Variants in MAP2K5 observed in about 807,000 individuals in gnomAD.
MAP2K5 encodes dual specificity mitogen-activated protein kinase kinase 5.
MAP2K5 carries 49 observed loss-of-function variants against 83.1 expected under a neutral mutation model. The observed-to-expected ratio is 0.59, with a 90% CI of 0.47 to 0.75. MAP2K5 has a LOEUF of 0.75. Among genes scored for constraint, MAP2K5 ranks in the 30% least tolerant of loss-of-function variants. The probability of loss-of-function intolerance (pLI) is 0.00; values close to 1 mark genes in which losing one functional copy is unlikely to be tolerated. For synonymous variants in MAP2K5, 202 were observed against 191.8 expected, an observed-to-expected ratio of 1.05 and a Z score of -0.44; for missense variants, 457 against 557.5, an observed-to-expected ratio of 0.82 and a Z score of 1.82.
At chr15:67,568,194 A>G (rs2084881065) in intron 3 of MAP2K5, among the ~76,000 whole-genome samples, 1 of 152,166 alleles carries the variant, frequency 6.6e-6, no homozygotes, top group Admixed American at 6.5e-5. Flanking sequence ...GCCTCCCATT[A>G]TGAGACCTTG....
At chr15:67,751,822 C>T (rs748773236) in intron 19 of MAP2K5, among the ~76,000 whole-genome samples, 24 of 152,118 alleles carry the variant, frequency 1.6e-4, no homozygotes, top group Non-Finnish European at 2.8e-4. Context: ...CTGAATTTTA[C>T]CAACCATTTT....
intron 15 of MAP2K5, among the ~76,000 whole-genome samples, chr15:67,699,325 C>G (rs2088350982): frequency 6.6e-6 from 1 of 152,106 alleles, no homozygotes; most frequent in African/African-American, 2.4e-5. Flanking sequence ...CAGGGCCCAC[C>G]TAAGTCAGAA....
Position 67,543,576 on chromosome 15 carries a change from T to C in MAP2K5, c.135+106T>C. The C allele has an allele frequency of 7.6e-7, 1 of 1,312,922 alleles. No homozygotes were observed. The highest frequency in any genetic ancestry group is 1.5e-5 in the African/African-American group (1 of 68,736). 81.3% of individuals were successfully genotyped at this position (1,312,922 alleles called of 1,614,324 possible). A position where few individuals can be genotyped will look rare whatever the true frequency, so the allele number is the denominator to read the frequency against. On this transcript the variant is annotated intron_variant, in intron 1 of 21. Transcript: ENST00000178640. The surrounding 1 kb of genome is among the most constrained non-coding windows in gnomAD (Gnocchi z 4.3). Reference sequence around the variant, plus strand: ...CTGAGCCAGTGGCAATGGCTACTGCTGGCTTCCTGTGGAGGCAGTTTTATT... The same window carrying C: ...CTGAGCCAGTGGCAATGGCTACTGCCGGCTTCCTGTGGAGGCAGTTTTATT...
At chr15:67,544,129 C>T (rs1423795532) in intron 1 of MAP2K5, among the ~76,000 whole-genome samples, 2 of 152,150 alleles carry the variant, frequency 1.3e-5, no homozygotes, top group Non-Finnish European at 2.9e-5. Context: ...TGAACTCCTG[C>T]GATTTGCTTG....
At position 67,658,548 on chromosome 15, in the gene MAP2K5, T is replaced by C; in HGVS notation, c.737-5T>C. On this transcript the variant is annotated splice_region_variant and splice_polypyrimidine_tract_variant and intron_variant, in intron 11 of 21. Coordinates refer to ENST00000178640, the MANE Select transcript of MAP2K5 (RefSeq NM_145160.3). ...TGTAGTAACATGGCATGTTTATCTC[T>C]ACAGGGGGATCTTTGGATGTATATA... The C allele has an allele frequency of 6.2e-7, 1 of 1,610,522 alleles. No individual in the cohort carries two copies. The highest frequency in any genetic ancestry group is 8.5e-7 in the Non-Finnish European group (1 of 1,177,066).
At chr15:67,590,439 C>CTA in intron 6 of MAP2K5, among the ~76,000 whole-genome samples, 1 of 50,584 alleles carries the variant, frequency 2.0e-5, no homozygotes, top group African/African-American at 8.7e-5. Context: ...CTCTCTCTCC[C>CTA]TCCCTCCCTC....
intron 13 of MAP2K5, among the ~76,000 whole-genome samples, chr15:67,670,143 G>A (rs1252548902): frequency 6.6e-6 from 1 of 152,136 alleles, no homozygotes; most frequent in East Asian, 1.9e-4. Flanking sequence ...GTAACAACAT[G>A]GGTGAATATC....
chr15:67,670,387 TG>T (rs1373614570), intron 13 of MAP2K5: 2 of 455,336 alleles, frequency 4.4e-6, no homozygotes, highest in Admixed American at 4.7e-5. Context: ...GCTTGATTTT[TG>T]TGGTAGTTAC....
At chr15:67,607,935 A>T (rs538881088) in intron 8 of MAP2K5, among the ~76,000 whole-genome samples, 7 of 152,356 alleles carry the variant, frequency 4.6e-5, no homozygotes, top group Admixed American at 1.3e-4. Context: ...AAAAATCAAT[A>T]CGTTATGGTA....
intron 13 of MAP2K5, chr15:67,670,587 A>G: frequency 8.3e-6 from 3 of 361,604 alleles, no homozygotes; most frequent in Non-Finnish European, 1.6e-5. Flanking sequence ...TTTCCCTGCC[A>G]AAAGGACAAA....
intron 8 of MAP2K5, among the ~76,000 whole-genome samples, chr15:67,602,648 C>T (rs4304973): frequency 1 from 152,314 of 152,336 alleles, 76,146 homozygotes; most frequent in Middle Eastern, 1. Flanking sequence ...AAAACATAGG[C>T]TTGTTTGTTT....
In MAP2K5 at chr15:67,767,702, G is replaced by T. The variant is rs142952920; in HGVS notation, c.1135-1900G>T. On this transcript the variant is annotated intron_variant, in intron 19 of 21. Coordinates refer to ENST00000178640, the MANE Select transcript of MAP2K5 (RefSeq NM_145160.3). ...ATGTTTTATTTTTGCTCTTCAAACC[G>T]ATGGGACTTCTGTGGCCATTTTATA... Among the ~76,000 whole-genome samples, 673 of 152,236 alleles carry T rather than the reference G, an allele frequency of 4.4e-3. 9 individuals are homozygous for T. The highest frequency in any genetic ancestry group is 0.015 in the African/African-American group (636 of 41,536).
chr15:67,756,515 CTGTGTGTGTGTGTGTGTG>C lies in MAP2K5; in HGVS notation c.1134+7944_1134+7961del, dbSNP rs200627656. Among the ~76,000 whole-genome samples, 110 of 131,600 alleles carry C rather than the reference CTGTGTGTGTGTGTGTGTG, an allele frequency of 8.4e-4. 1 individual carries two copies. Among genetic ancestry groups the C allele is most frequent in the South Asian group, 3.0e-3 (11 of 3,644 alleles). The allele number at this position is 131,600 out of a possible 152,430, so 86.3% of individuals were successfully genotyped here. The stretch of plus-strand genomic sequence containing the variant: ...ATATATCTAACCCCACACACAGTTA[CTGTGTGTGTGTGTGTGTG>C]TGTGTGTGTGTGTGTGTGTGTGTGT... On this transcript the variant is annotated intron_variant, in intron 19 of 21. Coordinates refer to ENST00000178640, the MANE Select transcript of MAP2K5 (RefSeq NM_145160.3).
At chr15:67,715,825 T>G (rs928565884) in intron 16 of MAP2K5, among the ~76,000 whole-genome samples, 3 of 152,198 alleles carry the variant, frequency 2.0e-5, no homozygotes, top group Admixed American at 2.0e-4. Flanking sequence ...TCCCATGACT[T>G]TCTATTCAGT....
At chr15:67,728,386 G>A (rs943401788) in intron 17 of MAP2K5, among the ~76,000 whole-genome samples, 5 of 152,118 alleles carry the variant, frequency 3.3e-5, no homozygotes, top group Non-Finnish European at 7.4e-5. Flanking sequence ...AATTTTATGA[G>A]TGTAATTTTG....
intron 8 of MAP2K5, among the ~76,000 whole-genome samples, chr15:67,618,643 T>C (rs1160224117): frequency 6.6e-6 from 1 of 152,214 alleles, no homozygotes; most frequent in Non-Finnish European, 1.5e-5. Flanking sequence ...AATTGGAAAC[T>C]CTATTCTATA....
At chr15:67,756,682 C>T (rs1280475846) in intron 19 of MAP2K5, among the ~76,000 whole-genome samples, 1 of 151,988 alleles carries the variant, frequency 6.6e-6, no homozygotes, top group Non-Finnish European at 1.5e-5. Context: ...TGACGAACAC[C>T]TCCTCATTTC....
Position 67,640,292 on chromosome 15 carries a change from T to G in MAP2K5, c.586-5939T>G, listed in dbSNP as rs1015668394. 3.9e-5 allele frequency among the ~76,000 whole-genome samples: 6 copies of G among 152,236 alleles called. No homozygotes were observed. The highest frequency in any genetic ancestry group is 8.8e-5 in the Non-Finnish European group (6 of 68,034). ...TTTAAAGTAACATCTTGAAAGCAGGTTCAGCTCACATACAAAATATCTCAT... is the reference window on the plus strand; with the variant it reads ...TTTAAAGTAACATCTTGAAAGCAGGGTCAGCTCACATACAAAATATCTCAT... On this transcript the variant is annotated intron_variant, in intron 9 of 21. Transcript: ENST00000178640. This position sits in a 1 kb window ranked among gnomAD's most constrained non-coding sequence, Gnocchi z 4.6.
At position 67,782,065 on chromosome 15, in the gene MAP2K5, C is replaced by T. The variant is rs182384179; in HGVS notation, c.1242+9313C>T. On this transcript the variant is annotated intron_variant, in intron 21 of 21. Coordinates refer to ENST00000178640, the MANE Select transcript of MAP2K5 (RefSeq NM_145160.3). The surrounding 1 kb of genome is among the most constrained non-coding windows in gnomAD (Gnocchi z 4.9). ...AAGCTCTTTTTTAATCCTCTGAATC[C>T]CCAGTGGAGCAGCAGTCATTGTGGA... Among the ~76,000 whole-genome samples, 1 of 152,198 alleles carries T rather than the reference C, an allele frequency of 6.6e-6. No individual in the cohort carries two copies. Among genetic ancestry groups the T allele is most frequent in the African/African-American group, 2.4e-5 (1 of 41,512 alleles).
Sources: gnomAD v4.1 joint callset for allele counts (sites outside exome capture counted in the v4.1 genomes callset) on GRCh38, gnomAD v4.1.1 for gene constraint, Gnocchi (gnomAD v3.1) non-coding constraint, MANE v1.5 for transcripts, NCBI Gene and HGNC (gene_info 2026-07-23, HGNC 2026-07-21) for gene names.